Variants in LRP1B observed in about 807,000 individuals in gnomAD.
LRP1B encodes LDL receptor related protein 1B.
In LRP1B, 217 loss-of-function variants were observed where a neutral mutation model predicts 556.6. That is an observed-to-expected ratio of 0.39 (90% confidence interval 0.35 to 0.44). The LOEUF is 0.44. Ranked by LOEUF, LRP1B falls within the 20% of genes least tolerant of loss-of-function variation. LRP1B has a pLI of 1.00. For synonymous variants in LRP1B, 2,047 were observed against 1,865.8 expected (o/e 1.10, Z -2.50); for missense variants, 5,053 against 5,620.8 (o/e 0.90, Z 3.23).
chr2:141,229,102 T>C, intron 6 of LRP1B, 81 bp downstream of exon 6: 3 of 1,416,082 alleles, frequency 2.1e-6, no homozygotes, highest in Middle Eastern at 1.8e-4. Context: ...TGAGCTATGC[T>C]AGAAATTTGA....
chr2:140,707,075 A>C (rs1394460440), intron 37 of LRP1B, among the ~76,000 whole-genome samples: 3 of 152,142 alleles, frequency 2.0e-5, no homozygotes, highest in Non-Finnish European at 4.4e-5. Context: ...AGTTGGCATT[A>C]ATCATTTTCT....
chr2:140,914,167 C>A (rs1694506233), intron 21 of LRP1B, among the ~76,000 whole-genome samples: 1 of 151,874 alleles, frequency 6.6e-6, no homozygotes, highest in African/African-American at 2.4e-5. Flanking sequence ...AAGAGGAAGC[C>A]AAAACTGTGG....
chr2:141,037,171 T>A (rs1698558734), intron 11 of LRP1B, among the ~76,000 whole-genome samples: 2 of 151,938 alleles, frequency 1.3e-5, no homozygotes, highest in African/African-American at 4.8e-5. Context: ...AAAAGACATA[T>A]TCCAGGTCCC....
intron 2 of LRP1B, among the ~76,000 whole-genome samples, chr2:141,537,125 C>A (rs1199856034): frequency 6.6e-6 from 1 of 151,946 alleles, no homozygotes; most frequent in Non-Finnish European, 1.5e-5. Flanking sequence ...TAAAACATTT[C>A]TTTATCAAAT....
Position 140,437,211 on chromosome 2 carries a change from C to T in LRP1B, c.10414+5293G>A, listed in dbSNP as rs545415464. Among the ~76,000 whole-genome samples, 10 of 152,234 alleles carry T rather than the reference C, an allele frequency of 6.6e-5. No homozygotes were observed. The South Asian group carries it at 8.3e-4, about 13-fold the overall frequency. ...AGATCAGACCAACCCCCATTAGAGA[C>T]GAATGAGGTTCCAGAGACTGTGTGG... On this transcript the variant is annotated intron_variant, in intron 66 of 90. Transcript: ENST00000389484.
intron 2 of LRP1B, among the ~76,000 whole-genome samples, chr2:141,510,208 ACACACACACACACACACACACACACACC>A (rs1684072857): frequency 6.6e-6 from 1 of 150,572 alleles, no homozygotes; most frequent in Admixed American, 6.6e-5. Context: ...ACACACACAC[ACACACACACACACACACACACACACACC>A]CCCCACAGTC....
chr2:140,661,997 A>G (rs185755919), intron 41 of LRP1B, among the ~76,000 whole-genome samples: 32 of 152,244 alleles, frequency 2.1e-4, no homozygotes, highest in African/African-American at 7.5e-4. Context: ...TTATCATTTA[A>G]ACTCAAATAT....
chr2:140,283,834 T>G (rs947630474), intron 84 of LRP1B, among the ~76,000 whole-genome samples: 2 of 151,700 alleles, frequency 1.3e-5, no homozygotes, highest in African/African-American at 2.4e-5. Flanking sequence ...GTGTTTTGGG[T>G]TGAGTAGTTC....
intron 17 of LRP1B, among the ~76,000 whole-genome samples, chr2:140,989,257 T>C (rs1697017691): frequency 6.6e-6 from 1 of 152,100 alleles, no homozygotes; most frequent in Admixed American, 6.6e-5. Context: ...TAGGATTTAG[T>C]AGGGACAAGT....
intron 86 of LRP1B, among the ~76,000 whole-genome samples, chr2:140,266,773 G>A (rs1682222230): frequency 6.6e-6 from 1 of 151,874 alleles, no homozygotes; most frequent in African/African-American, 2.4e-5. Context: ...CTCTCCCACA[G>A]GAATCATTCA....
chr2:141,838,981 G>A (rs181952072), intron 1 of LRP1B, among the ~76,000 whole-genome samples: 3 of 152,250 alleles, frequency 2.0e-5, no homozygotes, highest in Admixed American at 2.0e-4. Flanking sequence ...TTAGAGCTGT[G>A]ACTCCTGAGT....
intron 2 of LRP1B, among the ~76,000 whole-genome samples, chr2:141,703,562 G>A (rs546059678): frequency 6.6e-6 from 1 of 151,978 alleles, no homozygotes; most frequent in South Asian, 2.1e-4. Context: ...TTGGATTGTC[G>A]GCTCATTCTT....
At chr2:140,519,814 C>T (rs1435075362) in intron 49 of LRP1B, among the ~76,000 whole-genome samples, 1 of 152,150 alleles carries the variant, frequency 6.6e-6, no homozygotes, top group Non-Finnish European at 1.5e-5. Context: ...TATAAACAGA[C>T]ACTTCTCCAA....
At chr2:141,742,385 G>T (rs1165306286) in intron 2 of LRP1B, among the ~76,000 whole-genome samples, 1 of 151,788 alleles carries the variant, frequency 6.6e-6, no homozygotes, top group Non-Finnish European at 1.5e-5. Context: ...TCGAGTAGCT[G>T]GGATTACAGG....
intron 1 of LRP1B, among the ~76,000 whole-genome samples, chr2:142,054,518 C>A (rs1704588129): frequency 6.6e-6 from 1 of 152,090 alleles, no homozygotes; most frequent in Non-Finnish European, 1.5e-5. Flanking sequence ...TCGTACTCCA[C>A]AAGGTCTATC....
At chr2:141,171,672 A>C (rs1049254749) in intron 7 of LRP1B, among the ~76,000 whole-genome samples, 2 of 152,080 alleles carry the variant, frequency 1.3e-5, no homozygotes, top group African/African-American at 2.4e-5. Flanking sequence ...GTGGTGTAGC[A>C]GCGTAAGAGT....
chr2:141,817,744 A>AT (rs1438568340), intron 1 of LRP1B, among the ~76,000 whole-genome samples: 2 of 152,096 alleles, frequency 1.3e-5, no homozygotes, highest in Non-Finnish European at 2.9e-5. Context: ...ATTTTATGCC[A>AT]TTTTTCCTAA....
At chr2:140,643,232 G>A (rs1684366454) in intron 41 of LRP1B, among the ~76,000 whole-genome samples, 3 of 151,866 alleles carry the variant, frequency 2.0e-5, no homozygotes, top group Middle Eastern at 3.2e-3. Flanking sequence ...CTTATAACGA[G>A]TTAACATCAT....
chr2:141,905,740 G>T (rs2381170), intron 1 of LRP1B, among the ~76,000 whole-genome samples: 128,803 of 149,492 alleles, frequency 0.86, 55,704 homozygotes, highest in East Asian at 1. Context: ...ATCTTACAGG[G>T]AGAAAATGGA....
Sources: allele counts gnomAD v4.1 joint callset (sites outside exome capture counted in the v4.1 genomes callset), GRCh38; gene constraint gnomAD v4.1.1; transcripts MANE v1.5; gene names NCBI Gene and HGNC (gene_info 2026-07-23, HGNC 2026-07-21).